NSMCE2: variants seen among roughly 807,000 people sequenced by gnomAD.
NSMCE2 encodes E3 SUMO-protein ligase NSE2.
In NSMCE2, 24 loss-of-function variants were observed where a neutral mutation model predicts 23.8. The observed-to-expected ratio is 1.01, with a 90% confidence interval of 0.73 to 1.42. The LOEUF (loss-of-function observed/expected upper bound fraction) is 1.42. NSMCE2 is among the 40% of genes most tolerant of loss of function. NSMCE2 has a pLI of 0.00. For missense variants in NSMCE2, 284 were observed against 296.5 expected, an observed-to-expected ratio of 0.96 and a Z score of 0.31; for synonymous variants, 92 against 94.1, an observed-to-expected ratio of 0.98 and a Z score of 0.13.
At chr8:125,100,585 C>G (rs777177089) in intron 1 of NSMCE2, among the ~76,000 whole-genome samples, 2 of 151,456 alleles carry the variant, frequency 1.3e-5, no homozygotes, top group Admixed American at 6.6e-5. Flanking sequence ...TTTTTGAGAC[C>G]GCGTCTTGCT....
intron 4 of NSMCE2, among the ~76,000 whole-genome samples, chr8:125,169,989 CCTTT>C (rs1302158375): frequency 6.6e-6 from 1 of 151,932 alleles, no homozygotes. Context: ...GAGGCTAGCT[CCTTT>C]CTTACAGCCT....
intron 1 of NSMCE2, among the ~76,000 whole-genome samples, chr8:125,093,926 G>A (rs2130293824): frequency 6.6e-6 from 1 of 152,018 alleles, no homozygotes; most frequent in East Asian, 1.9e-4. Context: ...CCTTCCGAGG[G>A]TCTAGGACAA....
rs1420386009 is a variant in NSMCE2 at position 125,215,045 on chromosome 8, A to AT, written c.418+32791dup. On this transcript the variant is annotated intron_variant, in intron 5 of 7. Transcript: ENST00000287437. ...TATTTTATTTTATTTTATTTTATTTATTATTATTATTATACTTTAAGTTTT... is the reference window on the plus strand; with the variant it reads ...TATTTTATTTTATTTTATTTTATTTATTTATTATTATTATACTTTAAGTTTT... 5.8e-3 allele frequency among the ~76,000 whole-genome samples: 288 copies of AT among 49,674 alleles called. 2 individuals are homozygous for AT. In the African/African-American group the frequency reaches 0.073, roughly 13 times the overall value. 32.6% of individuals were successfully genotyped at this position (49,674 alleles called of 152,430 possible). A position where few individuals can be genotyped will look rare whatever the true frequency, so the allele number is the denominator to read the frequency against.
chr8:125,103,277 G>A (rs1275966909), intron 3 of NSMCE2, among the ~76,000 whole-genome samples: 1 of 151,906 alleles, frequency 6.6e-6, no homozygotes, highest in Non-Finnish European at 1.5e-5. Flanking sequence ...CTGCACTCCA[G>A]TCTGGACAAC....
At chr8:125,340,911 C>T (rs77777704) in intron 5 of NSMCE2, among the ~76,000 whole-genome samples, 8,357 of 152,236 alleles carry the variant, frequency 0.055, 320 homozygotes, top group Non-Finnish European at 0.086. Flanking sequence ...ATTACATCCC[C>T]TGCATAATTT....
At chr8:125,333,545 C>T (rs1228733205) in intron 5 of NSMCE2, among the ~76,000 whole-genome samples, 28 of 81,584 alleles carry the variant, frequency 3.4e-4, no homozygotes, top group South Asian at 2.7e-3. Context: ...GACGGAGTCT[C>T]GCTCTGTCGC....
intron 5 of NSMCE2, among the ~76,000 whole-genome samples, chr8:125,289,433 C>T (rs1026607284): frequency 6.6e-6 from 1 of 152,156 alleles, no homozygotes; most frequent in Admixed American, 6.5e-5. Context: ...TTCTCTTGGA[C>T]TCAGCTGTTG....
chr8:125,282,962 A>C lies in NSMCE2; in HGVS notation c.419-74257A>C, dbSNP rs114798747. The stretch of plus-strand genomic sequence containing the variant: ...AATTGTAGGAAGGTAGTCTAGCATA[A>C]TTGTTGAAAGAGCAAGTCATAAAGC... On this transcript the variant is annotated intron_variant, in intron 5 of 7. Transcript: ENST00000287437. 3.1e-3 allele frequency among the ~76,000 whole-genome samples: 474 copies of C among 152,340 alleles called. 4 individuals carry two copies. Among genetic ancestry groups the C allele is most frequent in the African/African-American group, 0.011 (449 of 41,578 alleles).
chr8:125,221,693 A>C (rs1012746592), intron 5 of NSMCE2, among the ~76,000 whole-genome samples: 3 of 152,244 alleles, frequency 2.0e-5, no homozygotes, highest in African/African-American at 7.2e-5. Context: ...TAAATGCAGC[A>C]TTCATTTATG....
intron 4 of NSMCE2, among the ~76,000 whole-genome samples, chr8:125,166,678 G>C (rs1400445787): frequency 6.6e-6 from 1 of 152,192 alleles, no homozygotes; most frequent in Non-Finnish European, 1.5e-5. Context: ...TCCTCTAGTT[G>C]TGGAGGGTAT....
intron 5 of NSMCE2, among the ~76,000 whole-genome samples, chr8:125,245,564 A>T (rs1452063226): frequency 1.3e-5 from 2 of 152,212 alleles, no homozygotes; most frequent in Non-Finnish European, 2.9e-5. Flanking sequence ...GCTCGATAGC[A>T]TAAACATAAG....
intron 5 of NSMCE2, among the ~76,000 whole-genome samples, chr8:125,190,013 A>T (rs912352503): frequency 6.6e-6 from 1 of 152,158 alleles, no homozygotes. Context: ...TGATGAAGCC[A>T]TTGCCATTAA....
At chr8:125,357,613 A>G in intron 6 of NSMCE2, 99 bp from the exon 7 acceptor site, 1 of 845,264 alleles carries the variant, frequency 1.2e-6, no homozygotes, top group Non-Finnish European at 2.0e-6. Context: ...AAGCCATGAG[A>G]ATGGGAAGTT....
chr8:125,156,417 TTG>T (rs1450439782), intron 4 of NSMCE2: 1 of 153,204 alleles, frequency 6.5e-6, no homozygotes, highest in African/African-American at 2.4e-5. Flanking sequence ...ATCTTATAAA[TTG>T]TATAAGATTT....
chr8:125,235,271 G>C (rs1825496077), intron 5 of NSMCE2, among the ~76,000 whole-genome samples: 1 of 150,624 alleles, frequency 6.6e-6, no homozygotes, highest in African/African-American at 2.4e-5. Flanking sequence ...AAACCTAAAA[G>C]CTTTTCCCAA....
At chr8:125,255,763 T>C (rs1251593632) in intron 5 of NSMCE2, among the ~76,000 whole-genome samples, 1 of 152,194 alleles carries the variant, frequency 6.6e-6, no homozygotes, top group East Asian at 1.9e-4. Flanking sequence ...CATTTTGGAT[T>C]GAAGCTGTCT....
intron 3 of NSMCE2, among the ~76,000 whole-genome samples, chr8:125,139,637 C>T (rs998178685): frequency 6.6e-6 from 1 of 152,170 alleles, no homozygotes; most frequent in African/African-American, 2.4e-5. Flanking sequence ...TTCACTATCA[C>T]AAGAACAGCA....
At chr8:125,129,844 G>C (rs541804091) in intron 3 of NSMCE2, among the ~76,000 whole-genome samples, 217 of 152,074 alleles carry the variant, frequency 1.4e-3, no homozygotes, top group African/African-American at 5.2e-3. Context: ...CAAAGTTGTA[G>C]ATAGTGGAGT....
At chr8:125,169,138 G>C (rs1822042697) in intron 4 of NSMCE2, among the ~76,000 whole-genome samples, 1 of 152,138 alleles carries the variant, frequency 6.6e-6, no homozygotes, top group African/African-American at 2.4e-5. Flanking sequence ...CAACACATCT[G>C]TTTTTTCTTC....
Sources: gnomAD v4.1 joint callset for allele counts (sites outside exome capture counted in the v4.1 genomes callset) on GRCh38, gnomAD v4.1.1 for gene constraint, MANE v1.5 for transcripts, NCBI Gene and HGNC (gene_info 2026-07-23, HGNC 2026-07-21) for gene names.